RCOR1: variants seen among roughly 807,000 people sequenced by gnomAD.
The protein encoded by RCOR1 is REST corepressor 1.
A neutral mutation model predicts 64.0 loss-of-function variants in RCOR1; 12 were observed. The observed-to-expected ratio is 0.19, with a 90% CI of 0.12 to 0.30. RCOR1 has a LOEUF of 0.30. RCOR1 is among the 10% of genes least tolerant of loss of function. The probability of loss-of-function intolerance (pLI) is 1.00; values close to 1 mark genes in which losing one functional copy is unlikely to be tolerated. For missense variants in RCOR1, 502 were observed against 621.2 expected (o/e 0.81, Z 2.04); for synonymous variants, 279 against 227.2 (o/e 1.23, Z -2.05).
At chr14:102,725,882 C>T (rs55929680) in intron 11 of RCOR1, among the ~76,000 whole-genome samples, 1 of 152,150 alleles carries the variant, frequency 6.6e-6, no homozygotes, top group Non-Finnish European at 1.5e-5. Flanking sequence ...TTTTCAGGCA[C>T]TTAAATTTAA....
At position 102,729,020 on chromosome 14, in the gene RCOR1, G is replaced by A. The variant is rs1036542071; in HGVS notation, c.*2514G>A. ...AAGAATTAGGTGCATTGGCAGGTAG[G>A]GTTTGGGGTGTGATAACTGCTTCAG... On this transcript the variant is annotated 3_prime_UTR_variant, in exon 12 of 12. Coordinates refer to ENST00000262241, the MANE Select transcript of RCOR1 (RefSeq NM_015156.4). 2 of 152,552 alleles carry A rather than the reference G, an allele frequency of 1.3e-5. No individual in the cohort carries two copies. Among genetic ancestry groups the A allele is most frequent in the African/African-American group, 4.8e-5 (2 of 41,426 alleles). The allele number at this position is 152,552 out of a possible 1,614,324, so 9.4% of individuals were successfully genotyped here.
At chr14:102,716,792 G>A (rs1896078009) in intron 8 of RCOR1, among the ~76,000 whole-genome samples, 1 of 152,148 alleles carries the variant, frequency 6.6e-6, no homozygotes, top group Non-Finnish European at 1.5e-5. Flanking sequence ...CTCCAAGATT[G>A]TCTTGGTTAT....
chr14:102,699,177 G>A (rs8016146), intron 3 of RCOR1, among the ~76,000 whole-genome samples: 22,135 of 152,052 alleles, frequency 0.15, 1,849 homozygotes, highest in East Asian at 0.27. Context: ...GAGCCACCGC[G>A]CCTGGCCTCT....
intron 8 of RCOR1, among the ~76,000 whole-genome samples, chr14:102,719,531 A>G (rs1242830336): frequency 3.9e-5 from 6 of 152,200 alleles, no homozygotes; most frequent in Non-Finnish European, 7.3e-5. Context: ...TAGTTTGCTC[A>G]GAATGATGGT....
At chr14:102,617,364 G>T (rs1336175407) in intron 2 of RCOR1, among the ~76,000 whole-genome samples, 4 of 152,126 alleles carry the variant, frequency 2.6e-5, no homozygotes, top group Non-Finnish European at 5.9e-5. Context: ...CTGTTGCCTT[G>T]CTTTCACACA....
intron 2 of RCOR1, among the ~76,000 whole-genome samples, chr14:102,653,223 A>G (rs1172057446): frequency 1.3e-5 from 2 of 151,422 alleles, no homozygotes; most frequent in Non-Finnish European, 2.9e-5. Flanking sequence ...CACCCAGCCT[A>G]TTATTATTTT....
chr14:102,629,250 A>G (rs745581976), intron 2 of RCOR1, among the ~76,000 whole-genome samples: 31 of 152,132 alleles, frequency 2.0e-4, no homozygotes, highest in Middle Eastern at 3.4e-3. Flanking sequence ...TTTCCTCATC[A>G]GTCTGTCTCA....
intron 2 of RCOR1, among the ~76,000 whole-genome samples, chr14:102,601,259 C>T (rs952711593): frequency 3.3e-5 from 5 of 152,070 alleles, no homozygotes; most frequent in South Asian, 4.2e-4. Context: ...GTGATTGACC[C>T]GCCTTGGCCT....
In RCOR1 at chr14:102,659,270, C is replaced by T. The variant is rs569775130; in HGVS notation, c.362-22625C>T. The T allele has an allele frequency of 4.1e-6, 4 of 985,124 alleles. No homozygotes were observed. The African/African-American group carries it at 7.0e-5, about 17-fold the overall frequency. 61.0% of individuals were successfully genotyped at this position (985,124 alleles called of 1,614,324 possible). On this transcript the variant is annotated intron_variant, in intron 2 of 11. Transcript: ENST00000262241. ...TTTGTTGATGCAGGGTTGCATTGGC[C>T]TTCACTATCAAAACAAATGTCTCAT...
At chr14:102,659,147 T>C (rs1420284922) in intron 2 of RCOR1, 1 of 985,342 alleles carries the variant, frequency 1.0e-6, no homozygotes, top group East Asian at 1.1e-4. Context: ...TACTGGACTT[T>C]TTATTTGACT....
At chr14:102,710,820 TTTA>T (rs1376537372) in intron 6 of RCOR1, 112 bp from the exon 7 acceptor site, 6 of 703,062 alleles carry the variant, frequency 8.5e-6, no homozygotes, top group African/African-American at 1.8e-5. Context: ...ATTAAATCAG[TTTA>T]TTATTTATAT....
chr14:102,635,238 T>C lies in RCOR1; in HGVS notation c.361+41913T>C, dbSNP rs372737621. ...TACTGAAGCTGCTGCACACGGCGGC[T>C]CATGCCTATAATCCCAGCACTTTGG... On this transcript the variant is annotated intron_variant, in intron 2 of 11. Coordinates refer to ENST00000262241, the MANE Select transcript of RCOR1 (RefSeq NM_015156.4). 2.4e-3 allele frequency among the ~76,000 whole-genome samples: 371 copies of C among 152,332 alleles called. 5 individuals are homozygous for C. Among genetic ancestry groups the C allele is most frequent in the African/African-American group, 8.7e-3 (361 of 41,576 alleles).
In RCOR1 at chr14:102,679,565, G is replaced by A. The variant is rs1313987236; in HGVS notation, c.362-2330G>A. Among the ~76,000 whole-genome samples the A allele has an allele frequency of 2.6e-5, 4 of 151,168 alleles. No homozygotes were observed. In the South Asian group the frequency reaches 8.4e-4, roughly 32 times the overall value. Reference sequence around the variant, plus strand: ...GCAATCTTGGCTCACTGCAAGCTCCGCCTCTCGCGTTCACGCCATTCTCCT... The same window carrying A: ...GCAATCTTGGCTCACTGCAAGCTCCACCTCTCGCGTTCACGCCATTCTCCT... On this transcript the variant is annotated intron_variant, in intron 2 of 11. Coordinates refer to ENST00000262241, the MANE Select transcript of RCOR1 (RefSeq NM_015156.4).
chr14:102,645,037 A>G (rs1032744003), intron 2 of RCOR1, among the ~76,000 whole-genome samples: 2 of 152,176 alleles, frequency 1.3e-5, no homozygotes, highest in African/African-American at 4.8e-5. Flanking sequence ...TGTCTCTTTC[A>G]GTCCAAACTG....
chr14:102,721,545 T>C (rs1896168173), intron 10 of RCOR1, 168 bp downstream of exon 10: 1 of 418,288 alleles, frequency 2.4e-6, no homozygotes, highest in East Asian at 3.6e-5. Context: ...AGGGAGACCC[T>C]GACTTTAAAA....
chr14:102,607,776 G>A (rs1376987926), intron 2 of RCOR1, among the ~76,000 whole-genome samples: 1 of 152,192 alleles, frequency 6.6e-6, no homozygotes, highest in East Asian at 1.9e-4. Context: ...CAGCTACTCA[G>A]GAGGCTGAGG....
chr14:102,610,542 CATTATTATTGCTATT>C (rs1032715961), intron 2 of RCOR1, among the ~76,000 whole-genome samples: 2 of 152,006 alleles, frequency 1.3e-5, no homozygotes, highest in African/African-American at 4.8e-5. Context: ...ATGAAAGCTT[CATTATTATTGCTATT>C]ATTATTATTA....
rs61739374 is a variant in RCOR1, at chr14:102,722,401, C to T, written c.1404C>T (p.Pro468=). 139,481 of 1,611,420 alleles carry T rather than the reference C, an allele frequency of 0.087. 7,027 individuals are homozygous for T. The highest frequency in any genetic ancestry group is 0.1 in the Non-Finnish European group (119,424 of 1,178,208). The change falls in exon 11 of 12, where the codon CCC becomes CCT. Residue 468 remains proline (P), a synonymous_variant. Coordinates refer to ENST00000262241, the MANE Select transcript of RCOR1 (RefSeq NM_015156.4). ...CCCCAGATAATTCCATTAAGATGCCCGAAGAGGAAGACGAGGTAAATCTGA... is the reference window on the plus strand; with the variant it reads ...CCCCAGATAATTCCATTAAGATGCCTGAAGAGGAAGACGAGGTAAATCTGA... The part of the protein sequence containing the change: ...VKSPDNSIKM[P]EEEDEAPVLD...
At chr14:102,702,170 G>A (rs1389578720) in intron 4 of RCOR1, among the ~76,000 whole-genome samples, 1 of 152,146 alleles carries the variant, frequency 6.6e-6, no homozygotes, top group African/African-American at 2.4e-5. Context: ...AATGATGGAA[G>A]TTACCAAGAG....
Sources: gnomAD v4.1 joint callset for allele counts (sites outside exome capture counted in the v4.1 genomes callset) on GRCh38, gnomAD v4.1.1 for gene constraint, MANE v1.5 for transcripts, NCBI Gene and HGNC (gene_info 2026-07-23, HGNC 2026-07-21) for gene names.